The following CYSLTR1 variants were observed in gnomAD, a reference collection of about 807,000 sequenced individuals.
CYSLTR1 encodes G-protein coupled receptor HG55.
Under a neutral mutation model 2.1 loss-of-function variants are expected in CYSLTR1, and 1 was observed. The ratio of observed to expected loss-of-function variants is 0.48; its 90% confidence interval spans 0.17 to 2.28. CYSLTR1 has a LOEUF of 2.28. Among genes scored for constraint, CYSLTR1 ranks in the 30% most tolerant of loss-of-function variants. The probability of loss-of-function intolerance (pLI) is 0.26; values close to 1 mark genes in which losing one functional copy is unlikely to be tolerated. For synonymous variants in CYSLTR1, 110 were observed against 89.6 expected (o/e 1.23, Z -1.28); for missense variants, 299 against 250.1 (o/e 1.20, Z -1.32).
chrX:78,308,340 G>T (rs1265333863), intron 1 of CYSLTR1, among the ~76,000 whole-genome samples: 1 of 111,671 alleles, frequency 9.0e-6, no homozygotes, highest in Non-Finnish European at 1.9e-5. Context: ...AATCATTTAT[G>T]GTTTTGTCAT....
chrX:78,276,440 T>C (rs754629213), intron 2 of CYSLTR1, among the ~76,000 whole-genome samples: 4 of 110,801 alleles, frequency 3.6e-5, no homozygotes, highest in Non-Finnish European at 7.6e-5. Context: ...ACTGCTTGAG[T>C]ATGCAAAAAC....
In CYSLTR1 at chrX:78,272,833, C is replaced by A; in HGVS notation, c.914G>T (p.Arg305Met). The change falls in exon 3 of 3, where the codon AGG becomes ATG. Residue 305 changes from arginine to methionine, a missense_variant. Transcript: ENST00000373304. ...AGAATGCTTTCTGAATGTAGACAGCCTTTTCCTAAAGTTACCCCCAGAAAA... is the reference window on the plus strand; with the variant it reads ...AGAATGCTTTCTGAATGTAGACAGCATTTTCCTAAAGTTACCCCCAGAAAA... ...YFFSGGNFRK[R>M]LSTFRKHSLS... The A allele has an allele frequency of 1.7e-6, 2 of 1,210,860 alleles. No individual in the cohort carries two copies. The highest frequency in any genetic ancestry group is 2.2e-5 in the Admixed American group (1 of 45,861).
Position 78,272,929 on chromosome X carries a change from A to C in CYSLTR1, c.818T>G (p.Met273Arg). The C allele has an allele frequency of 8.3e-7, 1 of 1,211,579 alleles. No individual in the cohort carries two copies. Among genetic ancestry groups the C allele is most frequent in the South Asian group, 1.8e-5 (1 of 56,980 alleles). Residue 273 changes from methionine to arginine, a missense_variant, in exon 3 of 3, where the codon ATG (methionine) becomes AGG (arginine). By Grantham distance (91) the Met-to-Arg change is moderately conservative. Coordinates refer to ENST00000373304, the MANE Select transcript of CYSLTR1 (RefSeq NM_006639.4). ...ETKPCDSVLRMQKSVVITLSL... is the reference protein window; with the variant it reads ...ETKPCDSVLRRQKSVVITLSL... ...CAAGGTTATGACCACGGACTTCTGC[A>C]TTCTAAGGACAGAATCACAGGGTTT...
At chrX:78,290,001 C>T (rs762207607) in intron 1 of CYSLTR1, among the ~76,000 whole-genome samples, 12 of 111,757 alleles carry the variant, frequency 1.1e-4, no homozygotes, top group African/African-American at 3.6e-4. Context: ...GCTTTTGTTG[C>T]CATTGCTTTT....
chrX:78,303,327 G>A (rs1036419027), intron 1 of CYSLTR1, among the ~76,000 whole-genome samples: 3 of 111,293 alleles, frequency 2.7e-5, no homozygotes, highest in East Asian at 5.6e-4. Flanking sequence ...ATTCAAGACT[G>A]TTTTTTCTAC....
chrX:78,315,200 C>T (rs920294367), intron 1 of CYSLTR1, among the ~76,000 whole-genome samples: 1 of 108,369 alleles, frequency 9.2e-6, no homozygotes, highest in Non-Finnish European at 1.9e-5. Flanking sequence ...AGGACCTAGT[C>T]CTGGCAACAC....
At chrX:78,327,021 C>G (rs1037245009) in intron 1 of CYSLTR1, among the ~76,000 whole-genome samples, 11 of 111,843 alleles carry the variant, frequency 9.8e-5, no homozygotes, top group African/African-American at 3.6e-4. Flanking sequence ...ACATTTCTGG[C>G]TTAAATTACA....
At chrX:78,288,632 C>G (rs905494727) in intron 1 of CYSLTR1, among the ~76,000 whole-genome samples, 10 of 111,623 alleles carry the variant, frequency 9.0e-5, no homozygotes, top group African/African-American at 3.3e-4. Flanking sequence ...TGTTTTGATA[C>G]AGGCATGCAA....
chrX:78,303,714 C>T (rs778053319), intron 1 of CYSLTR1, among the ~76,000 whole-genome samples: 18 of 111,580 alleles, frequency 1.6e-4, no homozygotes, highest in East Asian at 2.8e-4. Context: ...ACAATTGTTG[C>T]GTGGACAAAG....
chrX:78,326,523 T>C (rs1056587371), intron 1 of CYSLTR1, among the ~76,000 whole-genome samples: 3 of 111,946 alleles, frequency 2.7e-5, no homozygotes, highest in South Asian at 3.7e-4. Context: ...TACAAACCCA[T>C]TTGTTTCCTC....
intron 1 of CYSLTR1, among the ~76,000 whole-genome samples, chrX:78,314,800 A>C (rs746032119): frequency 9.1e-6 from 1 of 109,498 alleles, no homozygotes; most frequent in African/African-American, 3.3e-5. Context: ...ACCAGGGGTA[A>C]AGTGCCCTGG....
Position 78,272,538 on chromosome X carries a change from G to A in CYSLTR1, c.*195C>T, listed in dbSNP as rs920093121. On this transcript the variant is annotated 3_prime_UTR_variant, in exon 3 of 3. Coordinates refer to ENST00000373304, the MANE Select transcript of CYSLTR1 (RefSeq NM_006639.4). ...TATTTATAATTCAGTTCATAGTTGT[G>A]GACCGAATTTTTAGCACTTAAAATA... is the stretch of plus-strand genomic sequence containing the variant. 17 of 332,279 alleles carry A rather than the reference G, an allele frequency of 5.1e-5. No homozygotes were observed. The highest frequency in any genetic ancestry group is 8.0e-5 in the Non-Finnish European group (16 of 199,292). The allele number at this position is 332,279 out of a possible 1,213,427, so 27.4% of individuals were successfully genotyped here.
At chrX:78,305,577 C>T (rs56163735) in intron 1 of CYSLTR1, among the ~76,000 whole-genome samples, 4,572 of 111,611 alleles carry the variant, frequency 0.041, 91 homozygotes, top group East Asian at 0.092. Context: ...TATTTCATTG[C>T]TTAGAAGATG....
At chrX:78,309,079 A>C (rs1257476409) in intron 1 of CYSLTR1, among the ~76,000 whole-genome samples, 6 of 112,038 alleles carry the variant, frequency 5.4e-5, no homozygotes, top group Non-Finnish European at 1.1e-4. Flanking sequence ...GATAGGAGGT[A>C]GGACTAAGGT....
chrX:78,294,197 C>G (rs1291383641), intron 1 of CYSLTR1, among the ~76,000 whole-genome samples: 1 of 112,564 alleles, frequency 8.9e-6, no homozygotes, highest in Non-Finnish European at 1.9e-5. Context: ...TGTTAGTTTT[C>G]CTTCTAACAG....
chrX:78,276,391 C>T (rs1921591876), intron 2 of CYSLTR1, among the ~76,000 whole-genome samples: 1 of 111,266 alleles, frequency 9.0e-6, no homozygotes, highest in African/African-American at 3.3e-5. Context: ...AACTCCTGCT[C>T]CCTTGTAAGA....
rs1394256678 is a variant in CYSLTR1, at chrX:78,273,288, C to CA, written c.458dup (p.Leu153PhefsTer15). ...TGGCCATTAGAAATGGAGAACTGGT[C>CA]AAAATCACAAAAATCCAAATACCTA... is the stretch of plus-strand genomic sequence containing the variant. On this transcript the variant is annotated frameshift_variant, in exon 3 of 3. Coordinates refer to ENST00000373304, the MANE Select transcript of CYSLTR1 (RefSeq NM_006639.4). LOFTEE classifies it low-confidence loss of function (END_TRUNC). 3 of 1,209,329 alleles carry CA rather than the reference C, an allele frequency of 2.5e-6. No individual in the cohort carries two copies. The highest frequency in any genetic ancestry group is 2.2e-6 in the Non-Finnish European group (2 of 894,233).
chrX:78,272,442 A>C lies in CYSLTR1; in HGVS notation c.*291T>G. ...GTAAAGCTTTTATTTGAAGAGGAAAACTTTAATATAAGACATATTTTATAG... is the reference window on the plus strand; with the variant it reads ...GTAAAGCTTTTATTTGAAGAGGAAACCTTTAATATAAGACATATTTTATAG... On this transcript the variant is annotated 3_prime_UTR_variant, in exon 3 of 3. Transcript: ENST00000373304. The C allele has an allele frequency of 5.6e-6, 1 of 179,033 alleles. No individual in the cohort carries two copies. Among genetic ancestry groups the C allele is most frequent in the Non-Finnish European group, 1.0e-5 (1 of 97,524 alleles). The allele number at this position is 179,033 out of a possible 1,213,427, so 14.8% of individuals were successfully genotyped here. A position where few individuals can be genotyped will look rare whatever the true frequency, so the allele number is the denominator to read the frequency against.
intron 1 of CYSLTR1, among the ~76,000 whole-genome samples, chrX:78,314,957 C>A (rs1309634395): frequency 9.3e-6 from 1 of 107,285 alleles, no homozygotes; most frequent in South Asian, 4.2e-4. Context: ...GCGCTTATAT[C>A]ATCCTTCTTC....
Sources: gnomAD v4.1 joint callset for allele counts (sites outside exome capture counted in the v4.1 genomes callset) on GRCh38, gnomAD v4.1.1 for gene constraint, MANE v1.5 for transcripts, NCBI Gene and HGNC (gene_info 2026-07-23, HGNC 2026-07-21) for gene names.